The following R3HDM2 variants were observed in gnomAD, a reference collection of about 807,000 sequenced individuals.
R3HDM2 encodes the protein R3H domain-containing protein 2.
In R3HDM2, 38 loss-of-function variants were observed where a neutral mutation model predicts 124.5. The ratio of observed to expected loss-of-function variants is 0.31; its 90% CI spans 0.24 to 0.40. The LOEUF (loss-of-function observed/expected upper bound fraction) is 0.40, where lower values mean the gene tolerates loss of function less well. R3HDM2 is among the 10% of genes least tolerant of loss of function. R3HDM2 has a pLI of 1.00. For synonymous variants in R3HDM2, 391 were observed against 448.0 expected (o/e 0.87, Z 1.61); for missense variants, 869 against 1,236.9 (o/e 0.70, Z 4.46).
At chr12:57,317,466 T>G (rs1349288961) in intron 2 of R3HDM2, among the ~76,000 whole-genome samples, 1 of 152,082 alleles carries the variant, frequency 6.6e-6, no homozygotes, top group Non-Finnish European at 1.5e-5. Context: ...ATTACAGATG[T>G]GAGCCACCAT....
chr12:57,341,303 A>T, intron 2 of R3HDM2: 1 of 618,438 alleles, frequency 1.6e-6, no homozygotes, highest in Non-Finnish European at 2.0e-6. Context: ...AAATTATAGC[A>T]CCTTTAAAAC....
intron 1 of R3HDM2, among the ~76,000 whole-genome samples, chr12:57,400,781 C>A (rs1369850426): frequency 6.6e-6 from 1 of 151,932 alleles, no homozygotes; most frequent in Non-Finnish European, 1.5e-5. Context: ...GGAAACAGAG[C>A]CCATAAAAGG....
chr12:57,364,256 T>G (rs2062330995), intron 2 of R3HDM2, among the ~76,000 whole-genome samples: 1 of 150,342 alleles, frequency 6.7e-6, no homozygotes. Context: ...CAAGCAATTA[T>G]CCTGTGTCGG....
intron 2 of R3HDM2, among the ~76,000 whole-genome samples, chr12:57,356,588 G>C (rs1413033674): frequency 1.3e-5 from 2 of 152,156 alleles, no homozygotes; most frequent in African/African-American, 4.8e-5. Context: ...GAGTAAGGTT[G>C]GGCTCATAAT....
intron 14 of R3HDM2, among the ~76,000 whole-genome samples, chr12:57,277,779 G>A (rs1373606283): frequency 6.6e-6 from 1 of 152,184 alleles, no homozygotes; most frequent in East Asian, 1.9e-4. Context: ...AAAAGCTTTA[G>A]AGTAAGCACA....
At chr12:57,337,103 C>T (rs964802274) in intron 2 of R3HDM2, among the ~76,000 whole-genome samples, 9 of 152,208 alleles carry the variant, frequency 5.9e-5, no homozygotes, top group Admixed American at 1.3e-4. Context: ...TTCTGGAATG[C>T]TATTTCAAAT....
chr12:57,289,105 T>C (rs1443504825), intron 11 of R3HDM2, 65 bp from the exon 12 acceptor site: 1 of 1,435,584 alleles, frequency 7.0e-7, no homozygotes, highest in Non-Finnish European at 9.6e-7. Context: ...CCGAAAAGGA[T>C]GTCCATGATG....
chr12:57,384,621 T>C (rs2065428067), intron 2 of R3HDM2, among the ~76,000 whole-genome samples: 1 of 152,056 alleles, frequency 6.6e-6, no homozygotes, highest in South Asian at 2.1e-4. Context: ...AGCTATAACA[T>C]AAAGGTATCC....
At chr12:57,305,994 T>C (rs948226095) in intron 3 of R3HDM2, among the ~76,000 whole-genome samples, 4 of 152,166 alleles carry the variant, frequency 2.6e-5, no homozygotes, top group African/African-American at 9.7e-5. Flanking sequence ...AAAGACATCA[T>C]CTGGATTGAG....
chr12:57,303,972 C>T (rs2051934456), intron 3 of R3HDM2, among the ~76,000 whole-genome samples: 1 of 152,108 alleles, frequency 6.6e-6, no homozygotes, highest in African/African-American at 2.4e-5. Context: ...ATCCTGTTCA[C>T]AGAAGCCTAT....
At chr12:57,326,671 C>T (rs1411284400) in intron 2 of R3HDM2, among the ~76,000 whole-genome samples, 1 of 152,178 alleles carries the variant, frequency 6.6e-6, no homozygotes, top group African/African-American at 2.4e-5. Flanking sequence ...CTACATTAAA[C>T]AATAATTTCA....
intron 2 of R3HDM2, among the ~76,000 whole-genome samples, chr12:57,378,897 T>C (rs994655809): frequency 1.3e-5 from 2 of 152,170 alleles, no homozygotes; most frequent in African/African-American, 4.8e-5. Context: ...TATTCAGCCT[T>C]AAAAAGGAAA....
intron 2 of R3HDM2, among the ~76,000 whole-genome samples, chr12:57,353,815 AG>A (rs1278036927): frequency 2.2e-4 from 33 of 152,272 alleles, no homozygotes; most frequent in African/African-American, 7.7e-4. Flanking sequence ...AAAGACATAG[AG>A]GGAAGAATGG....
chr12:57,360,047 ATT>A (rs57288626), intron 2 of R3HDM2, among the ~76,000 whole-genome samples: 3,933 of 113,090 alleles, frequency 0.035, 189 homozygotes, highest in African/African-American at 0.12. Flanking sequence ...ATATATATAT[ATT>A]TTTTTTTTTT....
At chr12:57,321,582 C>T (rs1002007926) in intron 2 of R3HDM2, among the ~76,000 whole-genome samples, 2 of 152,060 alleles carry the variant, frequency 1.3e-5, no homozygotes, top group African/African-American at 4.8e-5. Flanking sequence ...AACCGGGAGG[C>T]AGAGGTTGCA....
At chr12:57,279,249 C>T (rs1286736908) in intron 14 of R3HDM2, among the ~76,000 whole-genome samples, 1 of 146,306 alleles carries the variant, frequency 6.8e-6, no homozygotes, top group Non-Finnish European at 1.5e-5. Context: ...GTGGCGCGAT[C>T]TCGGCTCGCC....
chr12:57,354,276 C>G (rs2061001669), intron 2 of R3HDM2, among the ~76,000 whole-genome samples: 1 of 151,796 alleles, frequency 6.6e-6, no homozygotes, highest in Non-Finnish European at 1.5e-5. Context: ...TATGGCCAGA[C>G]TTTTTGTTTG....
At chr12:57,417,367 G>A (rs1047478519) in intron 1 of R3HDM2, among the ~76,000 whole-genome samples, 4 of 148,974 alleles carry the variant, frequency 2.7e-5, no homozygotes, top group Admixed American at 1.4e-4. Context: ...CCTGGGCTAC[G>A]GGGCAAAATT....
intron 14 of R3HDM2, among the ~76,000 whole-genome samples, chr12:57,276,532 C>G (rs2044783270): frequency 6.6e-6 from 1 of 152,186 alleles, no homozygotes; most frequent in African/African-American, 2.4e-5. Flanking sequence ...GAATGGAAAA[C>G]CAAACATCGC....
Sources: allele counts gnomAD v4.1 joint callset (sites outside exome capture counted in the v4.1 genomes callset), GRCh38; gene constraint gnomAD v4.1.1; transcripts MANE v1.5; gene names NCBI Gene and HGNC (gene_info 2026-07-23, HGNC 2026-07-21).